Variants in IL1RAPL2 observed in about 807,000 individuals in gnomAD.
The protein encoded by IL1RAPL2 is X-linked interleukin-1 receptor accessory protein-like 2.
In IL1RAPL2, 3 loss-of-function variants were observed where a neutral mutation model predicts 44.1. That is an observed-to-expected ratio of 0.07 (90% CI 0.03 to 0.18). IL1RAPL2 has a LOEUF of 0.18. IL1RAPL2 is among the 10% of genes least tolerant of loss of function. The probability of loss-of-function intolerance (pLI) is 1.00; values close to 1 mark genes in which losing one functional copy is unlikely to be tolerated. For synonymous variants in IL1RAPL2, 181 were observed against 178.8 expected (o/e 1.01, Z -0.10); for missense variants, 391 against 496.4 (o/e 0.79, Z 2.02).
chrX:105,329,883 T>A (rs1486279885), intron 5 of IL1RAPL2, among the ~76,000 whole-genome samples: 1 of 111,899 alleles, frequency 8.9e-6, no homozygotes. Context: ...TATATACATA[T>A]TATTAAATTA....
chrX:104,657,020 A>G (rs1295560399), intron 1 of IL1RAPL2, among the ~76,000 whole-genome samples: 1 of 108,702 alleles, frequency 9.2e-6, no homozygotes, highest in Admixed American at 9.9e-5. Context: ...TTTGTTTTCC[A>G]TTTGCTTGGT....
At chrX:105,298,997 A>G (rs1051490344) in intron 5 of IL1RAPL2, among the ~76,000 whole-genome samples, 17 of 108,915 alleles carry the variant, frequency 1.6e-4, no homozygotes, top group Non-Finnish European at 2.5e-4. Flanking sequence ...TTGTAAAGAG[A>G]TGGGGAAAAT....
intron 2 of IL1RAPL2, among the ~76,000 whole-genome samples, chrX:104,939,245 C>A (rs924330063): frequency 9.1e-6 from 1 of 110,106 alleles, no homozygotes; most frequent in Non-Finnish European, 1.9e-5. Flanking sequence ...TTAGTAGAGA[C>A]GGGGTTTCGC....
chrX:105,266,322 G>A (rs956824664), intron 4 of IL1RAPL2, among the ~76,000 whole-genome samples: 4 of 111,037 alleles, frequency 3.6e-5, no homozygotes, highest in Admixed American at 9.6e-5. Context: ...GATTACAGGC[G>A]TGAGCCACCG....
At chrX:105,395,510 A>G (rs868840549) in intron 5 of IL1RAPL2, among the ~76,000 whole-genome samples, 1 of 111,170 alleles carries the variant, frequency 9.0e-6, no homozygotes, top group Admixed American at 9.6e-5. Context: ...TTCCAGATGT[A>G]TAGAGCCCTG....
chrX:105,655,351 C>T (rs2037670511), intron 6 of IL1RAPL2, among the ~76,000 whole-genome samples: 1 of 112,665 alleles, frequency 8.9e-6, no homozygotes, highest in Non-Finnish European at 1.9e-5. Context: ...CCCAACCCAT[C>T]TCATTCTGTA....
At chrX:105,373,771 T>G (rs1481657958) in intron 5 of IL1RAPL2, among the ~76,000 whole-genome samples, 1 of 110,818 alleles carries the variant, frequency 9.0e-6, no homozygotes, top group African/African-American at 3.3e-5. Flanking sequence ...TTGTCAACAA[T>G]AAATGAGTAG....
At chrX:104,638,044 C>T (rs1391994241) in intron 1 of IL1RAPL2, among the ~76,000 whole-genome samples, 2 of 110,777 alleles carry the variant, frequency 1.8e-5, no homozygotes, top group African/African-American at 6.6e-5. Flanking sequence ...TCTCATTACC[C>T]ATTATTGGTC....
At chrX:105,732,531 A>T (rs1177069330) in intron 7 of IL1RAPL2, among the ~76,000 whole-genome samples, 1 of 110,725 alleles carries the variant, frequency 9.0e-6, no homozygotes, top group African/African-American at 3.3e-5. Flanking sequence ...ATTCCCTGTG[A>T]GTAAAAGCTG....
chrX:104,603,015 C>T (rs1483702816), intron 1 of IL1RAPL2, among the ~76,000 whole-genome samples: 3 of 111,561 alleles, frequency 2.7e-5, no homozygotes, highest in African/African-American at 9.8e-5. Context: ...ATCCCTGAAC[C>T]GCATGTATCA....
At chrX:105,403,161 G>A (rs768414598) in intron 5 of IL1RAPL2, among the ~76,000 whole-genome samples, 1 of 111,486 alleles carries the variant, frequency 9.0e-6, no homozygotes, top group Non-Finnish European at 1.9e-5. Flanking sequence ...AGGGTTCTAA[G>A]TTCTTCCAAT....
At chrX:105,042,293 C>T (rs1464670626) in intron 2 of IL1RAPL2, among the ~76,000 whole-genome samples, 2 of 109,020 alleles carry the variant, frequency 1.8e-5, no homozygotes, top group Non-Finnish European at 1.9e-5. Context: ...AACAGGCAAC[C>T]TACAGAATGG....
chrX:105,089,472 G>A (rs1489914854), intron 2 of IL1RAPL2, among the ~76,000 whole-genome samples: 2 of 110,555 alleles, frequency 1.8e-5, no homozygotes, highest in African/African-American at 6.6e-5. Context: ...AGTTTCCTCT[G>A]TAGCCCAGGG....
chrX:104,995,481 T>A (rs1281743603), intron 2 of IL1RAPL2, among the ~76,000 whole-genome samples: 2 of 111,624 alleles, frequency 1.8e-5, no homozygotes, highest in Non-Finnish European at 3.8e-5. Context: ...AGTTATGATA[T>A]TATACTCAGA....
intron 2 of IL1RAPL2, among the ~76,000 whole-genome samples, chrX:105,106,106 T>C (rs1396428085): frequency 8.9e-6 from 1 of 112,163 alleles, no homozygotes; most frequent in Non-Finnish European, 1.9e-5. Context: ...GAAAGTCCCA[T>C]GATTTTCTTC....
intron 4 of IL1RAPL2, among the ~76,000 whole-genome samples, chrX:105,267,041 C>A (rs748845192): frequency 9.0e-6 from 1 of 111,529 alleles, no homozygotes; most frequent in Non-Finnish European, 1.9e-5. Context: ...ATAGAAGGAA[C>A]CAGGACATTA....
chrX:105,138,980 T>A (rs1436861725), intron 2 of IL1RAPL2, among the ~76,000 whole-genome samples: 1 of 111,283 alleles, frequency 9.0e-6, no homozygotes, highest in East Asian at 2.8e-4. Context: ...TAATGAGGCA[T>A]CTATAAAGAG....
chrX:105,668,266 C>A (rs2037787859), intron 6 of IL1RAPL2, among the ~76,000 whole-genome samples: 1 of 112,363 alleles, frequency 8.9e-6, no homozygotes, highest in African/African-American at 3.2e-5. Flanking sequence ...TTCTCCAGCC[C>A]AAACTCTCAT....
chrX:104,627,992 A>G (rs967453658), intron 1 of IL1RAPL2, among the ~76,000 whole-genome samples: 3 of 112,180 alleles, frequency 2.7e-5, no homozygotes, highest in Non-Finnish European at 5.6e-5. Flanking sequence ...TAACGTTAAG[A>G]TGAAATTTAC....
Sources: gnomAD v4.1 joint callset for allele counts (sites outside exome capture counted in the v4.1 genomes callset) on GRCh38, gnomAD v4.1.1 for gene constraint, MANE v1.5 for transcripts, NCBI Gene and HGNC (gene_info 2026-07-23, HGNC 2026-07-21) for gene names.